NUDCD1: variants seen among roughly 807,000 people sequenced by gnomAD.
NUDCD1 encodes the protein NudC domain containing 1.
In NUDCD1, 60 loss-of-function variants were observed where a neutral mutation model predicts 67.8. That is an observed-to-expected ratio of 0.88 (90% CI 0.72 to 1.10). The LOEUF is 1.10. NUDCD1 is among the 50% of genes least tolerant of loss of function. The pLI is 0.00. For missense variants in NUDCD1, 643 were observed against 695.0 expected (o/e 0.93, Z 0.84); for synonymous variants, 244 against 230.8 (o/e 1.06, Z -0.52).
chr8:109,254,605 T>C (rs952937985), intron 8 of NUDCD1, among the ~76,000 whole-genome samples: 3 of 152,084 alleles, frequency 2.0e-5, no homozygotes, highest in African/African-American at 7.2e-5. Context: ...ACCTTTGAAT[T>C]ACCTTTGTAG....
intron 5 of NUDCD1, among the ~76,000 whole-genome samples, chr8:109,286,269 A>AC (rs1814572410): frequency 6.6e-6 from 1 of 152,108 alleles, no homozygotes; most frequent in African/African-American, 2.4e-5. Context: ...CTATCAAACT[A>AC]CCAATGTCAT....
intron 8 of NUDCD1, among the ~76,000 whole-genome samples, chr8:109,255,502 T>C (rs1813707792): frequency 6.6e-6 from 1 of 152,106 alleles, no homozygotes; most frequent in Non-Finnish European, 1.5e-5. Flanking sequence ...TAACTATTAC[T>C]TAGAAATATT....
At chr8:109,314,676 T>C (rs1586304142) in intron 2 of NUDCD1, among the ~76,000 whole-genome samples, 1 of 152,042 alleles carries the variant, frequency 6.6e-6, no homozygotes, top group East Asian at 1.9e-4. Flanking sequence ...CTATATTCAG[T>C]TTTTCTTCAG....
At chr8:109,307,088 T>C (rs1001525412) in intron 2 of NUDCD1, among the ~76,000 whole-genome samples, 2 of 152,180 alleles carry the variant, frequency 1.3e-5, no homozygotes, top group African/African-American at 4.8e-5. Flanking sequence ...CCTGCATGTA[T>C]ACATCCAGAT....
chr8:109,327,792 A>C (rs1426261396), intron 1 of NUDCD1, among the ~76,000 whole-genome samples: 1 of 151,964 alleles, frequency 6.6e-6, no homozygotes, highest in African/African-American at 2.4e-5. Context: ...ATATGCTGAA[A>C]CTTCCCCACT....
chr8:109,300,203 C>T (rs1315105886), intron 2 of NUDCD1, among the ~76,000 whole-genome samples: 1 of 152,038 alleles, frequency 6.6e-6, no homozygotes, highest in South Asian at 2.1e-4. Context: ...CTTTAACACC[C>T]TCCGAAAATC....
At chr8:109,249,408 TTTA>T (rs1399616965) in intron 8 of NUDCD1, among the ~76,000 whole-genome samples, 2 of 152,184 alleles carry the variant, frequency 1.3e-5, no homozygotes, top group Non-Finnish European at 2.9e-5. Context: ...CTTATACAAT[TTTA>T]TGTCTCAGAA....
intron 2 of NUDCD1, among the ~76,000 whole-genome samples, chr8:109,299,784 A>T (rs1222589311): frequency 6.6e-6 from 1 of 152,206 alleles, no homozygotes; most frequent in Non-Finnish European, 1.5e-5. Context: ...ACCTCCTAAT[A>T]GAGAGCAAAC....
rs1813400525 is a variant in NUDCD1, at chr8:109,242,953, C to A, written c.*56G>T. 1 of 1,169,402 alleles carries A rather than the reference C, an allele frequency of 8.6e-7. No homozygotes were observed. The highest frequency in any genetic ancestry group is 1.5e-5 in the African/African-American group (1 of 65,364). The allele number at this position is 1,169,402 out of a possible 1,614,324, so 72.4% of individuals were successfully genotyped here. A position where few individuals can be genotyped will look rare whatever the true frequency, so the allele number is the denominator to read the frequency against. On this transcript the variant is annotated 3_prime_UTR_variant, in exon 10 of 10. Coordinates refer to ENST00000239690, the MANE Select transcript of NUDCD1 (RefSeq NM_032869.4). ...AGAGGTTACAGTATAACTGTCCAGA[C>A]CTCCAGGTACCACTGAATACTTTTC...
rs1380465023 is a variant in NUDCD1 at position 109,242,069 on chromosome 8, G to C, written c.*940C>G. The stretch of plus-strand genomic sequence containing the variant: ...CAAGGATAAATTATAATTTGTCCTT[G>C]TGTGGTAAGATTGTTCCATCAATGG... On this transcript the variant is annotated 3_prime_UTR_variant, in exon 10 of 10. Coordinates refer to ENST00000239690, the MANE Select transcript of NUDCD1 (RefSeq NM_032869.4). 2.5e-6 allele frequency: 1 copy of C among 398,146 alleles called. No homozygotes were observed. Among genetic ancestry groups the C allele is most frequent in the East Asian group, 3.6e-5 (1 of 28,064 alleles). 24.7% of individuals were successfully genotyped at this position (398,146 alleles called of 1,614,324 possible). A position where few individuals can be genotyped will look rare whatever the true frequency, so the allele number is the denominator to read the frequency against.
intron 2 of NUDCD1, chr8:109,298,634 G>C (rs1023555324): frequency 6.6e-6 from 1 of 152,142 alleles, no homozygotes; most frequent in African/African-American, 2.4e-5. Flanking sequence ...AGGGAGACAA[G>C]TATTTGTCAT....
chr8:109,331,061 G>A (rs1462687880), intron 1 of NUDCD1, among the ~76,000 whole-genome samples: 5 of 152,056 alleles, frequency 3.3e-5, no homozygotes, highest in African/African-American at 4.8e-5. Context: ...AAAAAAAATC[G>A]GTCGGAGCAG....
At chr8:109,293,272 G>C (rs959546044) in intron 4 of NUDCD1, 72 bp downstream of exon 4, 1 of 778,068 alleles carries the variant, frequency 1.3e-6, no homozygotes, top group Non-Finnish European at 2.0e-6. Context: ...AGTATTTACA[G>C]GGACAGCTTT....
intron 8 of NUDCD1, 149 bp downstream of exon 8, chr8:109,270,856 G>T (rs1407017491): frequency 7.9e-6 from 4 of 509,322 alleles, no homozygotes; most frequent in Admixed American, 3.3e-5. Flanking sequence ...GCTGAGTGTG[G>T]TAGTATGAAA....
chr8:109,260,335 G>C lies in NUDCD1; in HGVS notation c.1299+10670C>G, dbSNP rs531035324. Among the ~76,000 whole-genome samples, 10 of 152,276 alleles carry C rather than the reference G, an allele frequency of 6.6e-5. No individual in the cohort carries two copies. In the South Asian group the frequency reaches 1.9e-3, roughly 28 times the overall value. Reference sequence around the variant, plus strand: ...TCAGGCCCCTGAGTAGCTAGGACTAGATGTGTGCACCACCACACCTGGCAA... The same window carrying C: ...TCAGGCCCCTGAGTAGCTAGGACTACATGTGTGCACCACCACACCTGGCAA... On this transcript the variant is annotated intron_variant, in intron 8 of 9. Transcript: ENST00000239690.
In NUDCD1 at chr8:109,293,379, G is replaced by A. The variant is rs1814755232; in HGVS notation, c.605C>T (p.Ser202Phe). Reference sequence around the variant, plus strand: ...CTTACTGATAGTGACCCACTCCAGAGAAACATAGAAACCACTTCCTTTCAT... The same window carrying A: ...CTTACTGATAGTGACCCACTCCAGAAAAACATAGAAACCACTTCCTTTCAT... Reference protein sequence around the residue: ...LDMKGSGFYVSLEWVTISKKN... With the variant: ...LDMKGSGFYVFLEWVTISKKN... The change falls in exon 4 of 10, where the codon TCT becomes TTT. Residue 202 changes from serine (S) to phenylalanine (F), a missense_variant. Transcript: ENST00000239690. 8.2e-6 allele frequency: 13 copies of A among 1,582,978 alleles called. No homozygotes were observed. Among genetic ancestry groups the A allele is most frequent in the Non-Finnish European group, 1.1e-5 (13 of 1,165,946 alleles).
chr8:109,312,600 A>G (rs1815284623), intron 2 of NUDCD1, among the ~76,000 whole-genome samples: 1 of 150,594 alleles, frequency 6.6e-6, no homozygotes, highest in Middle Eastern at 3.2e-3. Flanking sequence ...CGTAACAAGT[A>G]TGTTTATTTT....
chr8:109,320,008 G>A (rs1322827738), intron 2 of NUDCD1, among the ~76,000 whole-genome samples: 3 of 152,168 alleles, frequency 2.0e-5, no homozygotes. Context: ...GAGGGAGTGT[G>A]CGAATAGGTG....
At chr8:109,321,447 A>G (rs567701478) in intron 2 of NUDCD1, among the ~76,000 whole-genome samples, 1 of 152,334 alleles carries the variant, frequency 6.6e-6, no homozygotes, top group Admixed American at 6.5e-5. Context: ...AACCATTTAA[A>G]AAATAATAAT....
Sources: gnomAD v4.1 joint callset for allele counts (sites outside exome capture counted in the v4.1 genomes callset) on GRCh38, gnomAD v4.1.1 for gene constraint, MANE v1.5 for transcripts, NCBI Gene and HGNC (gene_info 2026-07-23, HGNC 2026-07-21) for gene names.